Variants in KY observed in about 807,000 individuals in gnomAD.
The protein encoded by KY is kyphoscoliosis peptidase.
Under a neutral mutation model 76.1 loss-of-function variants are expected in KY, and 43 were observed. The observed-to-expected ratio is 0.57, with a 90% CI of 0.44 to 0.73. The LOEUF is 0.73. Among genes scored for constraint, KY ranks in the 30% least tolerant of loss-of-function variants. The pLI is 0.00. For missense variants in KY, 722 were observed against 828.9 expected, an observed-to-expected ratio of 0.87 and a Z score of 1.58; for synonymous variants, 277 against 326.2, an observed-to-expected ratio of 0.85 and a Z score of 1.63.
chr3:134,614,523 T>C (rs911615122), intron 8 of KY, among the ~76,000 whole-genome samples: 4 of 151,932 alleles, frequency 2.6e-5, no homozygotes, highest in Admixed American at 1.3e-4. Flanking sequence ...CCCCAAGGGC[T>C]GCAAAGGACC....
At chr3:134,644,088 G>A (rs1219531813) in intron 2 of KY, among the ~76,000 whole-genome samples, 1 of 152,148 alleles carries the variant, frequency 6.6e-6, no homozygotes, top group Admixed American at 6.5e-5. Context: ...GCCTCCCAAA[G>A]TGCTGGGATT....
intron 1 of KY, among the ~76,000 whole-genome samples, chr3:134,649,852 C>T (rs1268442854): frequency 6.6e-6 from 1 of 152,184 alleles, no homozygotes; most frequent in Non-Finnish European, 1.5e-5. Flanking sequence ...ACAGAAGAAC[C>T]AAGGGCAGAG....
At chr3:134,619,068 G>T in intron 8 of KY, 80 bp downstream of exon 8, 1 of 1,193,264 alleles carries the variant, frequency 8.4e-7, no homozygotes, top group Non-Finnish European at 1.2e-6. Flanking sequence ...GGCCTGGCAT[G>T]TGGGCAAAGG....
Position 134,625,144 on chromosome 3 carries a change from A to C in KY, c.401-9T>G. 3 of 1,590,556 alleles carry C rather than the reference A, an allele frequency of 1.9e-6. No homozygotes were observed. Among genetic ancestry groups the C allele is most frequent in the Non-Finnish European group, 2.6e-6 (3 of 1,168,056 alleles). On this transcript the variant is annotated splice_polypyrimidine_tract_variant and intron_variant, in intron 5 of 10. Coordinates refer to ENST00000423778, the MANE Select transcript of KY (RefSeq NM_178554.6). ...TCGATCCCAGGGGTAGGCTGGAAAC[A>C]CAGGGCACCTTGGTCAGCAGCTGAG...
At chr3:134,629,716 A>G in intron 3 of KY, 21 bp from the exon 4 acceptor site, 1 of 1,522,286 alleles carries the variant, frequency 6.6e-7, no homozygotes, top group Non-Finnish European at 9.0e-7. Context: ...AAAGGAGATG[A>G]CATTCTCAAC....
chr3:134,646,170 A>C (rs1271813599), intron 2 of KY, among the ~76,000 whole-genome samples: 1 of 152,162 alleles, frequency 6.6e-6, no homozygotes, highest in East Asian at 1.9e-4. Flanking sequence ...ATTCTTATTA[A>C]AATTCTCAAT....
At chr3:134,622,919 T>G (rs145883546) in intron 6 of KY, among the ~76,000 whole-genome samples, 120 of 152,350 alleles carry the variant, frequency 7.9e-4, no homozygotes, top group African/African-American at 2.8e-3. Flanking sequence ...AGGACTCACC[T>G]GCTGACCACT....
At position 134,627,823 on chromosome 3, in the gene KY, A is replaced by G; in HGVS notation, c.338-5T>C. 6.2e-7 allele frequency: 1 copy of G among 1,610,902 alleles called. No homozygotes were observed. The highest frequency in any genetic ancestry group is 8.5e-7 in the Non-Finnish European group (1 of 1,177,068). On this transcript the variant is annotated splice_region_variant and splice_polypyrimidine_tract_variant and intron_variant, in intron 4 of 10. Transcript: ENST00000423778. ...CATTTTTATCACCTTGTAAACCTAC[A>G]ATATTCCAAAGATCAGAAGTATAGA...
intron 6 of KY, among the ~76,000 whole-genome samples, chr3:134,621,582 C>T (rs1962626159): frequency 6.6e-6 from 1 of 152,156 alleles, no homozygotes; most frequent in Non-Finnish European, 1.5e-5. Flanking sequence ...GGATCAGTGA[C>T]TCAAATATAA....
intron 2 of KY, among the ~76,000 whole-genome samples, 174 bp downstream of exon 2, chr3:134,647,261 G>A (rs1966550912): frequency 2.6e-5 from 4 of 152,194 alleles, no homozygotes; most frequent in African/African-American, 7.2e-5. Context: ...CTGACTCCAG[G>A]GAACACTTCC....
At chr3:134,649,404 T>C (rs1371304023) in intron 1 of KY, among the ~76,000 whole-genome samples, 1 of 152,106 alleles carries the variant, frequency 6.6e-6, no homozygotes, top group Non-Finnish European at 1.5e-5. Context: ...TCAGAGAGGA[T>C]TGGGAGTAGG....
chr3:134,640,384 T>C (rs780028682), intron 3 of KY, among the ~76,000 whole-genome samples: 5 of 152,138 alleles, frequency 3.3e-5, no homozygotes, highest in Non-Finnish European at 4.4e-5. Context: ...TATTTAAATA[T>C]CTTTGAGCTT....
At chr3:134,628,100 T>A in intron 4 of KY, 1 of 451,804 alleles carries the variant, frequency 2.2e-6, no homozygotes. Flanking sequence ...ACACTTTGGG[T>A]GATTCATTGG....
intron 8 of KY, among the ~76,000 whole-genome samples, chr3:134,616,647 G>T (rs779914999): frequency 2.0e-5 from 3 of 152,182 alleles, no homozygotes; most frequent in Non-Finnish European, 4.4e-5. Flanking sequence ...GATGCAAAAT[G>T]TTAGGGAGAG....
chr3:134,632,366 C>T (rs1189174682), intron 3 of KY, among the ~76,000 whole-genome samples: 1 of 151,862 alleles, frequency 6.6e-6, no homozygotes, highest in Non-Finnish European at 1.5e-5. Context: ...TCCTTGGTCA[C>T]AAAACAAACC....
chr3:134,617,037 C>A (rs1403520715), intron 8 of KY, among the ~76,000 whole-genome samples: 2 of 152,134 alleles, frequency 1.3e-5, no homozygotes, highest in African/African-American at 4.8e-5. Flanking sequence ...GTCTTTCTGG[C>A]TTTAACTTTG....
At chr3:134,611,788 C>T (rs889614121) in intron 8 of KY, among the ~76,000 whole-genome samples, 1 of 152,186 alleles carries the variant, frequency 6.6e-6, no homozygotes, top group African/African-American at 2.4e-5. Flanking sequence ...AGGGCTGCAG[C>T]CTCAGTTGCT....
intron 5 of KY, among the ~76,000 whole-genome samples, chr3:134,626,657 G>A (rs1346477826): frequency 6.6e-6 from 1 of 152,220 alleles, no homozygotes; most frequent in Non-Finnish European, 1.5e-5. Flanking sequence ...GGGGAGGGGT[G>A]TGTGTCACCT....
chr3:134,629,300 G>T, intron 4 of KY: 1 of 326,218 alleles, frequency 3.1e-6, no homozygotes, highest in East Asian at 5.5e-5. Flanking sequence ...AAAGTACTTA[G>T]CATTTTGCAT....
Sources: allele counts gnomAD v4.1 joint callset (sites outside exome capture counted in the v4.1 genomes callset), GRCh38; gene constraint gnomAD v4.1.1; transcripts MANE v1.5; gene names NCBI Gene and HGNC (gene_info 2026-07-23, HGNC 2026-07-21).